CTIF: variants seen among roughly 807,000 people sequenced by gnomAD.
CTIF encodes cap binding complex dependent translation initiation factor, also known as CBP80/20-dependent translation initiation factor.
In CTIF, 21 loss-of-function variants were observed where a neutral mutation model predicts 66.0. That is an observed-to-expected ratio of 0.32 (90% confidence interval 0.23 to 0.46). CTIF has a LOEUF of 0.46. Among genes scored for constraint, CTIF ranks in the 20% least tolerant of loss-of-function variants. The pLI is 1.00. For missense variants in CTIF, 739 were observed against 812.7 expected (o/e 0.91, Z 1.10); for synonymous variants, 345 against 326.4 (o/e 1.06, Z -0.62).
At chr18:48,665,947 C>T (rs1043549554) in intron 5 of CTIF, among the ~76,000 whole-genome samples, 2 of 152,112 alleles carry the variant, frequency 1.3e-5, no homozygotes, top group African/African-American at 4.8e-5. Context: ...TGAGTCCTTG[C>T]TTGTAATTAC....
At chr18:48,832,167 G>A (rs1266827176) in intron 10 of CTIF, among the ~76,000 whole-genome samples, 1 of 104,706 alleles carries the variant, frequency 9.6e-6, no homozygotes, top group Non-Finnish European at 2.0e-5. Flanking sequence ...GGAAAACGTG[G>A]TCCTTCTTTT....
intron 9 of CTIF, among the ~76,000 whole-genome samples, chr18:48,816,069 T>A (rs570665907): frequency 6.6e-6 from 1 of 152,292 alleles, no homozygotes; most frequent in East Asian, 1.9e-4. Context: ...TGCATGTAGA[T>A]GGTGTGTGTG....
At position 48,723,633 on chromosome 18, in the gene CTIF, A is replaced by G. The variant is rs2092361388; in HGVS notation, c.584+11938A>G. On this transcript the variant is annotated intron_variant, in intron 7 of 11. Transcript: ENST00000256413. Reference sequence around the variant, plus strand: ...GCCCGGCCAGAGGAGAGCTTCCTCCAGCTGTTGGCTCCCCTGACTCCCAAG... The same window carrying G: ...GCCCGGCCAGAGGAGAGCTTCCTCCGGCTGTTGGCTCCCCTGACTCCCAAG... Among the ~76,000 whole-genome samples, 3 of 152,170 alleles carry G rather than the reference A, an allele frequency of 2.0e-5. No homozygotes were observed. The South Asian group carries it at 6.2e-4, about 32-fold the overall frequency.
intron 9 of CTIF, among the ~76,000 whole-genome samples, chr18:48,792,984 A>G (rs1172764589): frequency 3.3e-5 from 5 of 152,196 alleles, no homozygotes; most frequent in Admixed American, 6.5e-5. Context: ...ATTTAAAACC[A>G]TGAGACAGGA....
intron 6 of CTIF, among the ~76,000 whole-genome samples, chr18:48,710,655 GCAAA>G (rs1257773793): frequency 6.6e-6 from 1 of 152,210 alleles, no homozygotes; most frequent in Non-Finnish European, 1.5e-5. Flanking sequence ...GCCCTGGGTT[GCAAA>G]TAGAGGGTCT....
At chr18:48,749,992 G>A (rs766608348) in intron 7 of CTIF, among the ~76,000 whole-genome samples, 16 of 152,224 alleles carry the variant, frequency 1.1e-4, no homozygotes, top group Non-Finnish European at 1.9e-4. Flanking sequence ...GGGCAGCCGC[G>A]TGCTCTTCCC....
At chr18:48,636,930 A>G (rs939208955) in intron 3 of CTIF, among the ~76,000 whole-genome samples, 1 of 152,150 alleles carries the variant, frequency 6.6e-6, no homozygotes, top group Non-Finnish European at 1.5e-5. Context: ...ATATATTAAC[A>G]CATATCTGGA....
chr18:48,681,023 G>T (rs1386101355), intron 6 of CTIF, among the ~76,000 whole-genome samples: 1 of 152,238 alleles, frequency 6.6e-6, no homozygotes, highest in East Asian at 1.9e-4. Flanking sequence ...CGGCTCCCAG[G>T]CTGACCCGCC....
chr18:48,704,704 G>A (rs2092128750), intron 6 of CTIF, among the ~76,000 whole-genome samples: 2 of 152,158 alleles, frequency 1.3e-5, no homozygotes, highest in Admixed American at 1.3e-4. Flanking sequence ...CAGTCATATC[G>A]GACCGGGGCC....
At chr18:48,553,719 GATCT>G (rs1347719563) in intron 1 of CTIF, among the ~76,000 whole-genome samples, 2 of 150,864 alleles carry the variant, frequency 1.3e-5, no homozygotes, top group East Asian at 3.9e-4. Context: ...GCAGTGGCGT[GATCT>G]CAGCTCACTG....
intron 3 of CTIF, among the ~76,000 whole-genome samples, chr18:48,653,852 C>T (rs2091200444): frequency 6.6e-6 from 1 of 152,128 alleles, no homozygotes; most frequent in African/African-American, 2.4e-5. Flanking sequence ...CTTTGACAAA[C>T]CTGACAAAAA....
intron 9 of CTIF, among the ~76,000 whole-genome samples, chr18:48,793,217 AT>A (rs768808206): frequency 6.6e-6 from 1 of 152,208 alleles, no homozygotes; most frequent in Non-Finnish European, 1.5e-5. Flanking sequence ...GAGACAAGTA[AT>A]TATCCTTATA....
intron 5 of CTIF, among the ~76,000 whole-genome samples, chr18:48,666,697 A>G (rs1442572169): frequency 1.3e-5 from 2 of 152,120 alleles, no homozygotes; most frequent in Non-Finnish European, 2.9e-5. Flanking sequence ...GCATGGAGGC[A>G]CTGGTTAAGA....
chr18:48,579,746 G>GTC (rs2089613187), intron 1 of CTIF, among the ~76,000 whole-genome samples: 1 of 152,082 alleles, frequency 6.6e-6, no homozygotes, highest in African/African-American at 2.4e-5. Flanking sequence ...GTCTTTATTA[G>GTC]TCTCTCTGGA....
intron 1 of CTIF, among the ~76,000 whole-genome samples, chr18:48,562,070 G>C (rs140202741): frequency 3.3e-5 from 5 of 152,266 alleles, no homozygotes; most frequent in African/African-American, 1.2e-4. Flanking sequence ...GCTCACCCCT[G>C]ATCTAAAACA....
At chr18:48,605,046 T>C (rs1274793344) in intron 1 of CTIF, among the ~76,000 whole-genome samples, 1 of 152,166 alleles carries the variant, frequency 6.6e-6, no homozygotes, top group Non-Finnish European at 1.5e-5. Context: ...TTTGTGTAGA[T>C]TTTACCTTTT....
intron 2 of CTIF, among the ~76,000 whole-genome samples, chr18:48,625,388 C>T (rs1043091664): frequency 6.6e-6 from 1 of 152,120 alleles, no homozygotes; most frequent in Admixed American, 6.5e-5. Context: ...ATTAAATTCT[C>T]CTGAGCTAAA....
At chr18:48,599,247 A>C (rs1233646593) in intron 1 of CTIF, among the ~76,000 whole-genome samples, 2 of 151,998 alleles carry the variant, frequency 1.3e-5, no homozygotes, top group African/African-American at 2.4e-5. Context: ...ATGTGACCGG[A>C]TCTGAAAGGA....
intron 10 of CTIF, among the ~76,000 whole-genome samples, chr18:48,853,696 C>T (rs1394473928): frequency 1.3e-5 from 2 of 152,242 alleles, no homozygotes; most frequent in Non-Finnish European, 2.9e-5. Context: ...TCCTACGGCC[C>T]TGGAGCCTGC....
Sources: gnomAD v4.1 joint callset for allele counts (sites outside exome capture counted in the v4.1 genomes callset) on GRCh38, gnomAD v4.1.1 for gene constraint, MANE v1.5 for transcripts, NCBI Gene and HGNC (gene_info 2026-07-23, HGNC 2026-07-21) for gene names.